The following YWHAH variants were observed in gnomAD, a reference collection of about 807,000 sequenced individuals.
The protein encoded by YWHAH is 14-3-3 protein eta.
Under a neutral mutation model 22.9 loss-of-function variants are expected in YWHAH, and 6 were observed. That is an observed-to-expected ratio of 0.26 (90% CI 0.14 to 0.52). YWHAH has a LOEUF of 0.52. Ranked by LOEUF, YWHAH falls within the 20% of genes least tolerant of loss-of-function variation. YWHAH has a pLI of 0.97. For synonymous variants in YWHAH, 135 were observed against 124.5 expected, an observed-to-expected ratio of 1.08 and a Z score of -0.56; for missense variants, 173 against 308.6, an observed-to-expected ratio of 0.56 and a Z score of 3.29.
At chr22:31,954,464 C>T (rs1414758510) in intron 1 of YWHAH, among the ~76,000 whole-genome samples, 2 of 152,138 alleles carry the variant, frequency 1.3e-5, no homozygotes, top group African/African-American at 4.8e-5. Context: ...GTTAGCAACT[C>T]TGTTAGGAAC....
Position 31,944,730 on chromosome 22 carries a change from C to T in YWHAH, c.-4C>T, listed in dbSNP as rs1376908003. The T allele has an allele frequency of 7.1e-7, 1 of 1,400,164 alleles. No individual in the cohort carries two copies. The highest frequency in any genetic ancestry group is 9.4e-7 in the Non-Finnish European group (1 of 1,069,412). 86.7% of individuals were successfully genotyped at this position (1,400,164 alleles called of 1,614,324 possible). ...GCGCGAGGCGAGGCCGAGCCGCGAG[C>T]GACATGGGGGACCGGGAGCAGCTGC... On this transcript the variant is annotated 5_prime_UTR_variant, in exon 1 of 2. Transcript: ENST00000248975.
chr22:31,944,579 TGCC>T lies in YWHAH; in HGVS notation c.-154_-152del, dbSNP rs2093830100. ...AGCGAGAGGGCGCGAGCGGCGGCGC[TGCC>T]TGCAGCCTGCAGCCTGCAGCCTCCG... On this transcript the variant is annotated 5_prime_UTR_variant, in exon 1 of 2. Transcript: ENST00000248975. 2 of 362,938 alleles carry T rather than the reference TGCC, an allele frequency of 5.5e-6. No individual in the cohort carries two copies. Among genetic ancestry groups the T allele is most frequent in the Non-Finnish European group, 8.3e-6 (2 of 240,898 alleles). 22.5% of individuals were successfully genotyped at this position (362,938 alleles called of 1,614,324 possible).
intron 1 of YWHAH, 200 bp downstream of exon 1, chr22:31,945,020 G>T: frequency 9.0e-7 from 1 of 1,115,550 alleles, no homozygotes; most frequent in Non-Finnish European, 1.1e-6. Context: ...CCCAGGGTGG[G>T]GGATCCGGGA....
chr22:31,952,680 G>C (rs1569276094), intron 1 of YWHAH, among the ~76,000 whole-genome samples: 2 of 152,186 alleles, frequency 1.3e-5, no homozygotes, highest in African/African-American at 4.8e-5. Flanking sequence ...GCAACCAGAT[G>C]ATTTTTACAT....
Position 31,956,175 on chromosome 22 carries a change from C to T in YWHAH, c.124C>T (p.Arg42Ter). 2.5e-6 allele frequency: 4 copies of T among 1,613,390 alleles called. No homozygotes were observed. The highest frequency in any genetic ancestry group is 3.4e-6 in the Non-Finnish European group (4 of 1,179,790). The stretch of plus-strand genomic sequence containing the variant: ...GAATGAACCTCTCTCCAATGAAGAT[C>T]GAAATCTCCTCTCTGTGGCCTACAA... Reference protein sequence around the residue: ...ELNEPLSNEDRNLLSVAYKNV... With the variant: ...ELNEPLSNED The change falls in exon 2 of 2, where the codon CGA (arginine) becomes TGA (stop). Residue 42 changes from arginine to a stop codon, truncating the protein, a stop_gained. Coordinates refer to ENST00000248975, the MANE Select transcript of YWHAH (RefSeq NM_003405.4). LOFTEE classifies it high-confidence loss of function. The surrounding 1 kb of genome is among the most constrained non-coding windows in gnomAD (Gnocchi z 5.1).
chr22:31,944,854 G>T (rs1251652861), intron 1 of YWHAH, 34 bp downstream of exon 1: 2 of 1,325,356 alleles, frequency 1.5e-6, no homozygotes, highest in East Asian at 3.5e-5. Flanking sequence ...GGCTGGCCGG[G>T]GGGGGCCTGG....
At chr22:31,952,852 T>G (rs1396568492) in intron 1 of YWHAH, among the ~76,000 whole-genome samples, 3 of 152,190 alleles carry the variant, frequency 2.0e-5, no homozygotes, top group South Asian at 4.1e-4. Flanking sequence ...CTTTTATTGG[T>G]GCACAGGAAA....
chr22:31,945,240 G>A, intron 1 of YWHAH: 1 of 1,145,498 alleles, frequency 8.7e-7, no homozygotes, highest in Non-Finnish European at 1.1e-6. Flanking sequence ...CACCTAGTAA[G>A]TGGCGCCCTG....
chr22:31,956,961 C>A lies in YWHAH; in HGVS notation c.*169C>A, dbSNP rs1480381901. The A allele has an allele frequency of 2.4e-6, 2 of 839,666 alleles. No individual in the cohort carries two copies. Among genetic ancestry groups the A allele is most frequent in the African/African-American group, 1.7e-5 (1 of 58,632 alleles). 52.0% of individuals were successfully genotyped at this position (839,666 alleles called of 1,614,324 possible). ...GAAGCAGTTTCAGATAAATCATGGG[C>A]ATTGCTGGACTGATGGTTGCTTTGA... On this transcript the variant is annotated 3_prime_UTR_variant, in exon 2 of 2. Coordinates refer to ENST00000248975, the MANE Select transcript of YWHAH (RefSeq NM_003405.4). The surrounding 1 kb of genome is among the most constrained non-coding windows in gnomAD (Gnocchi z 5.1).
At chr22:31,953,959 A>G (rs1228293482) in intron 1 of YWHAH, among the ~76,000 whole-genome samples, 1 of 152,160 alleles carries the variant, frequency 6.6e-6, no homozygotes, top group Non-Finnish European at 1.5e-5. Context: ...GACTCAGACA[A>G]TTGCTTGTTT....
At position 31,956,877 on chromosome 22, in the gene YWHAH, G is replaced by T. The variant is rs2093850237; in HGVS notation, c.*85G>T. 6.9e-7 allele frequency: 1 copy of T among 1,438,978 alleles called. No individual in the cohort carries two copies. Among genetic ancestry groups the T allele is most frequent in the African/African-American group, 1.4e-5 (1 of 70,198 alleles). The allele number at this position is 1,438,978 out of a possible 1,614,324, so 89.1% of individuals were successfully genotyped here. On this transcript the variant is annotated 3_prime_UTR_variant, in exon 2 of 2. Transcript: ENST00000248975. This position sits in a 1 kb window ranked among gnomAD's most constrained non-coding sequence, Gnocchi z 5.1. ...CCTTGCCACAATCACTAAATATCTAGTGCTAAACCTATCTGTATTGGCAGC... is the reference window on the plus strand; with the variant it reads ...CCTTGCCACAATCACTAAATATCTATTGCTAAACCTATCTGTATTGGCAGC...
chr22:31,956,995 G>A lies in YWHAH; in HGVS notation c.*203G>A, dbSNP rs1183583926. 1.6e-6 allele frequency: 1 copy of A among 633,594 alleles called. No homozygotes were observed. Among genetic ancestry groups the A allele is most frequent in the African/African-American group, 1.8e-5 (1 of 54,690 alleles). The allele number at this position is 633,594 out of a possible 1,614,324, so 39.2% of individuals were successfully genotyped here. A position where few individuals can be genotyped will look rare whatever the true frequency, so the allele number is the denominator to read the frequency against. ...ACTGATGGTTGCTTTGAGCCCACAG[G>A]AGCTCCCTTTTTGAATTGTGTGGAG... On this transcript the variant is annotated 3_prime_UTR_variant, in exon 2 of 2. Transcript: ENST00000248975. This position sits in a 1 kb window ranked among gnomAD's most constrained non-coding sequence, Gnocchi z 5.1.
intron 1 of YWHAH, among the ~76,000 whole-genome samples, chr22:31,953,230 C>T (rs1189539910): frequency 1.3e-5 from 2 of 152,138 alleles, no homozygotes; most frequent in African/African-American, 2.4e-5. Flanking sequence ...TTAATTACTA[C>T]AAGATGAAAG....
chr22:31,946,435 C>G (rs2093834775), intron 1 of YWHAH, among the ~76,000 whole-genome samples: 1 of 152,216 alleles, frequency 6.6e-6, no homozygotes, highest in South Asian at 2.1e-4. Context: ...TTAAGCCCCT[C>G]CTCCCCAGTA....
In YWHAH at chr22:31,957,297, CTG is replaced by C. The variant is rs1418724768; in HGVS notation, c.*507_*508del. On this transcript the variant is annotated 3_prime_UTR_variant, in exon 2 of 2. Coordinates refer to ENST00000248975, the MANE Select transcript of YWHAH (RefSeq NM_003405.4). ...TCCTTTCCATCAGCTTTATAATAAA[CTG>C]TTTAACGTGAGGTTTCAGTAGCTCC... 1 of 153,790 alleles carries C rather than the reference CTG, an allele frequency of 6.5e-6. No individual in the cohort carries two copies. Among genetic ancestry groups the C allele is most frequent in the African/African-American group, 2.4e-5 (1 of 41,422 alleles). The allele number at this position is 153,790 out of a possible 1,614,324, so 9.5% of individuals were successfully genotyped here.
intron 1 of YWHAH, chr22:31,945,651 T>C (rs745636247): frequency 1.4e-4 from 185 of 1,285,858 alleles, no homozygotes; most frequent in Non-Finnish European, 1.8e-4. Flanking sequence ...ACCATCTCAC[T>C]CTCTCTCCAC....
In YWHAH at chr22:31,945,746, A is replaced by G. The variant is rs573681160; in HGVS notation, c.87+926A>G. 65 of 1,170,798 alleles carry G rather than the reference A, an allele frequency of 5.6e-5. No homozygotes were observed. In the Admixed American group the frequency reaches 7.2e-4, roughly 13 times the overall value. The allele number at this position is 1,170,798 out of a possible 1,614,324, so 72.5% of individuals were successfully genotyped here. On this transcript the variant is annotated intron_variant, in intron 1 of 1. Coordinates refer to ENST00000248975, the MANE Select transcript of YWHAH (RefSeq NM_003405.4). The stretch of plus-strand genomic sequence containing the variant: ...GTAGAACAACTGCGACCACCAACCT[A>G]TGTTCAGTGTACAACCTCCTGAGAC...
chr22:31,945,130 C>T (rs2093831894), intron 1 of YWHAH: 4 of 1,089,874 alleles, frequency 3.7e-6, no homozygotes, highest in Non-Finnish European at 4.5e-6. Context: ...AGAGGGTGCC[C>T]TAGGGGACGC....
Position 31,956,915 on chromosome 22 carries a change from A to C in YWHAH, c.*123A>C. The C allele has an allele frequency of 8.2e-7, 1 of 1,219,630 alleles. No individual in the cohort carries two copies. Among genetic ancestry groups the C allele is most frequent in the Non-Finnish European group, 1.1e-6 (1 of 898,746 alleles). The allele number at this position is 1,219,630 out of a possible 1,614,324, so 75.6% of individuals were successfully genotyped here. A position where few individuals can be genotyped will look rare whatever the true frequency, so the allele number is the denominator to read the frequency against. On this transcript the variant is annotated 3_prime_UTR_variant, in exon 2 of 2. Transcript: ENST00000248975. The surrounding 1 kb of genome is among the most constrained non-coding windows in gnomAD (Gnocchi z 5.1). ...CTGTATTGGCAGCACAGCTACTCAG[A>C]TCTGCACTCCTGTCTCTTGGGAAGC...
Sources: gnomAD v4.1 joint callset for allele counts (sites outside exome capture counted in the v4.1 genomes callset) on GRCh38, gnomAD v4.1.1 for gene constraint, Gnocchi (gnomAD v3.1) non-coding constraint, MANE v1.5 for transcripts, NCBI Gene and HGNC (gene_info 2026-07-23, HGNC 2026-07-21) for gene names.